Variants in LYPD6B observed in about 807,000 individuals in gnomAD.
LYPD6B encodes ly6/PLAUR domain-containing protein 6B.
LYPD6B carries 17 observed loss-of-function variants against 22.8 expected under a neutral mutation model. That is an observed-to-expected ratio of 0.75 (90% confidence interval 0.51 to 1.12). The LOEUF (loss-of-function observed/expected upper bound fraction) is 1.12, where lower values mean the gene tolerates loss of function less well. Among genes scored for constraint, LYPD6B ranks in the 50% most tolerant of loss-of-function variants. The probability of loss-of-function intolerance (pLI) is 0.00; values close to 1 mark genes in which losing one functional copy is unlikely to be tolerated. For missense variants in LYPD6B, 221 were observed against 258.3 expected, an observed-to-expected ratio of 0.86 and a Z score of 0.99; for synonymous variants, 106 against 91.6, an observed-to-expected ratio of 1.16 and a Z score of -0.90.
chr2:149,069,568 G>T (rs975839679), intron 1 of LYPD6B, among the ~76,000 whole-genome samples: 12 of 152,130 alleles, frequency 7.9e-5, no homozygotes, highest in African/African-American at 2.7e-4. Context: ...AGCTGGTTGG[G>T]CAGGAAGGAT....
intron 3 of LYPD6B, chr2:149,204,879 C>G (rs1437921432): frequency 5.8e-6 from 1 of 172,704 alleles, no homozygotes; most frequent in Admixed American, 6.2e-5. Context: ...GACTTTGGCT[C>G]AACATGCCTC....
intron 5 of LYPD6B, among the ~76,000 whole-genome samples, chr2:149,210,705 T>C (rs1472236243): frequency 6.6e-6 from 1 of 152,216 alleles, no homozygotes; most frequent in East Asian, 1.9e-4. Context: ...TATGCTGACT[T>C]TTTAGGGCTG....
chr2:149,054,927 T>G (rs554784206), intron 1 of LYPD6B, among the ~76,000 whole-genome samples: 1 of 152,256 alleles, frequency 6.6e-6, no homozygotes, highest in South Asian at 2.1e-4. Flanking sequence ...TTATCTATTT[T>G]TTTTCTTTTT....
intron 1 of LYPD6B, among the ~76,000 whole-genome samples, chr2:149,090,474 G>A (rs1685600133): frequency 6.6e-6 from 1 of 152,148 alleles, no homozygotes. Context: ...TCAGGAGAGA[G>A]AGGTCAGAGG....
intron 2 of LYPD6B, chr2:149,144,004 A>C (rs1688857849): frequency 6.6e-6 from 1 of 152,270 alleles, no homozygotes; most frequent in Non-Finnish European, 1.5e-5. Context: ...ATCAGTTCAA[A>C]CTGCATGATA....
chr2:149,108,107 C>T, intron 1 of LYPD6B, among the ~76,000 whole-genome samples: 2 of 152,106 alleles, frequency 1.3e-5, no homozygotes, highest in East Asian at 1.9e-4. Context: ...CTGTGCTGTT[C>T]TCTTGATAGT....
chr2:149,105,745 T>A (rs917280088), intron 1 of LYPD6B, among the ~76,000 whole-genome samples: 10 of 152,098 alleles, frequency 6.6e-5, no homozygotes, highest in Admixed American at 2.0e-4. Context: ...TATGGCATGC[T>A]CCAATAAAGA....
intron 1 of LYPD6B, among the ~76,000 whole-genome samples, chr2:149,092,661 C>T (rs1275850950): frequency 2.0e-5 from 3 of 152,154 alleles, no homozygotes; most frequent in African/African-American, 4.8e-5. Flanking sequence ...GGCACATGCA[C>T]CTGACACAAA....
chr2:149,134,871 A>G (rs1410275815), intron 2 of LYPD6B, among the ~76,000 whole-genome samples: 2 of 152,236 alleles, frequency 1.3e-5, no homozygotes, highest in South Asian at 2.1e-4. Context: ...AGAGCATGCT[A>G]TATTCATAAA....
chr2:149,113,982 T>C (rs1449422096), intron 1 of LYPD6B, among the ~76,000 whole-genome samples: 1 of 152,210 alleles, frequency 6.6e-6, no homozygotes, highest in African/African-American at 2.4e-5. Context: ...CTGTTAGATT[T>C]GGGTATGTGC....
intron 1 of LYPD6B, chr2:149,118,277 G>A (rs1687104063): frequency 1.3e-5 from 2 of 152,168 alleles, no homozygotes; most frequent in African/African-American, 4.8e-5. Flanking sequence ...TAACCAAAGA[G>A]CACTTTTTAT....
At chr2:149,043,567 T>C (rs1002195289) in intron 1 of LYPD6B, among the ~76,000 whole-genome samples, 3 of 152,174 alleles carry the variant, frequency 2.0e-5, no homozygotes, top group African/African-American at 7.2e-5. Flanking sequence ...AATTTGTAAA[T>C]TACTTCTCCC....
At chr2:149,156,120 T>C in intron 2 of LYPD6B, among the ~76,000 whole-genome samples, 1 of 152,194 alleles carries the variant, frequency 6.6e-6, no homozygotes, top group Middle Eastern at 3.2e-3. Flanking sequence ...ATCCCAAAGA[T>C]GCTGTTTGCA....
chr2:149,100,888 C>A (rs1163863177), intron 1 of LYPD6B, among the ~76,000 whole-genome samples: 1 of 152,196 alleles, frequency 6.6e-6, no homozygotes, highest in Non-Finnish European at 1.5e-5. Flanking sequence ...TGCTTCCTGT[C>A]TGTGCTAATA....
chr2:149,117,213 A>G (rs1687049551), intron 1 of LYPD6B, among the ~76,000 whole-genome samples: 1 of 150,640 alleles, frequency 6.6e-6, no homozygotes, highest in African/African-American at 2.4e-5. Flanking sequence ...CATATTTACT[A>G]TATTTATAGT....
intron 1 of LYPD6B, among the ~76,000 whole-genome samples, chr2:149,096,203 GAC>G (rs1685897464): frequency 6.6e-6 from 1 of 152,054 alleles, no homozygotes. Context: ...GAGAGACTGA[GAC>G]ACAGAGAGAA....
At chr2:149,169,874 A>T (rs1409364689) in intron 3 of LYPD6B, among the ~76,000 whole-genome samples, 1 of 152,186 alleles carries the variant, frequency 6.6e-6, no homozygotes, top group East Asian at 1.9e-4. Flanking sequence ...CAAGAGAACG[A>T]TTACTCATCC....
intron 1 of LYPD6B, among the ~76,000 whole-genome samples, chr2:149,084,383 T>C (rs1685290286): frequency 1.0e-5 from 1 of 97,414 alleles, no homozygotes; most frequent in South Asian, 3.5e-4. Context: ...TCATGATTTT[T>C]ATTTATTTAA....
intron 1 of LYPD6B, among the ~76,000 whole-genome samples, chr2:149,091,149 A>C (rs1685630234): frequency 6.6e-6 from 1 of 152,144 alleles, no homozygotes; most frequent in Non-Finnish European, 1.5e-5. Context: ...CAATAAAATG[A>C]AACCTTATCA....
Sources: allele counts gnomAD v4.1 joint callset (sites outside exome capture counted in the v4.1 genomes callset), GRCh38; gene constraint gnomAD v4.1.1; transcripts MANE v1.5; gene names NCBI Gene and HGNC (gene_info 2026-07-23, HGNC 2026-07-21).